Variants in RIMS2 observed in about 807,000 individuals in gnomAD.
RIMS2 encodes the protein regulating synaptic membrane exocytosis 2.
In RIMS2, 59 loss-of-function variants were observed where a neutral mutation model predicts 174.4. The observed-to-expected ratio is 0.34, with a 90% CI of 0.27 to 0.42. The LOEUF (loss-of-function observed/expected upper bound fraction) is 0.42. Among genes scored for constraint, RIMS2 ranks in the 10% least tolerant of loss-of-function variants. RIMS2 has a pLI of 1.00. For missense variants in RIMS2, 1,620 were observed against 1,666.3 expected (o/e 0.97, Z 0.48); for synonymous variants, 606 against 572.5 (o/e 1.06, Z -0.84).
At chr8:103,503,884 C>T (rs1821935592) in intron 1 of RIMS2, among the ~76,000 whole-genome samples, 1 of 151,916 alleles carries the variant, frequency 6.6e-6, no homozygotes, top group Admixed American at 6.6e-5. Flanking sequence ...AAACTGAGAC[C>T]ATTACTGTTA....
At chr8:103,983,689 A>G (rs1173056364) in intron 16 of RIMS2, among the ~76,000 whole-genome samples, 1 of 152,206 alleles carries the variant, frequency 6.6e-6, no homozygotes, top group East Asian at 1.9e-4. Flanking sequence ...AACACTGGAT[A>G]TCTATATGAA....
intron 14 of RIMS2, among the ~76,000 whole-genome samples, chr8:103,949,692 A>T (rs1162500230): frequency 1.3e-5 from 2 of 152,208 alleles, no homozygotes; most frequent in African/African-American, 4.8e-5. Context: ...ATACCAAAAA[A>T]ATTCTCAAAT....
At chr8:103,707,016 G>C (rs1020374146) in intron 2 of RIMS2, among the ~76,000 whole-genome samples, 2 of 151,854 alleles carry the variant, frequency 1.3e-5, no homozygotes, top group African/African-American at 4.8e-5. Context: ...TTTTCAAATA[G>C]CCTGTCTTCG....
intron 1 of RIMS2, among the ~76,000 whole-genome samples, chr8:103,524,074 A>G (rs1832893535): frequency 6.6e-6 from 1 of 152,162 alleles, no homozygotes; most frequent in Non-Finnish European, 1.5e-5. Context: ...TTTAATAAAG[A>G]TTTATAGTTT....
chr8:103,736,266 A>T (rs2097684158), intron 2 of RIMS2, among the ~76,000 whole-genome samples: 1 of 152,184 alleles, frequency 6.6e-6, no homozygotes, highest in South Asian at 2.1e-4. Context: ...TTTAATATCT[A>T]TTATATTGAG....
intron 19 of RIMS2, among the ~76,000 whole-genome samples, chr8:104,112,967 A>G (rs2098216407): frequency 6.6e-6 from 1 of 152,216 alleles, no homozygotes; most frequent in Admixed American, 6.5e-5. Flanking sequence ...TGCCCTTTTC[A>G]TTAATCCTTT....
intron 19 of RIMS2, among the ~76,000 whole-genome samples, chr8:104,190,725 T>G (rs1356646277): frequency 3.3e-5 from 5 of 152,124 alleles, no homozygotes; most frequent in Non-Finnish European, 5.9e-5. Context: ...GCATTTTTTT[T>G]GGCAGCCTAT....
At chr8:104,140,111 C>A (rs2098553870) in intron 19 of RIMS2, among the ~76,000 whole-genome samples, 1 of 152,160 alleles carries the variant, frequency 6.6e-6, no homozygotes, top group Non-Finnish European at 1.5e-5. Context: ...TAGGATCAAT[C>A]CCACTTGGTC....
In RIMS2 at chr8:104,124,920, C is replaced by G. The variant is rs1229920571; in HGVS notation, c.3334+110305C>G. 2.0e-5 allele frequency among the ~76,000 whole-genome samples: 3 copies of G among 151,858 alleles called. No homozygotes were observed. In the South Asian group the frequency reaches 6.3e-4, roughly 32 times the overall value. ...GAGCACTTTGATTTAATGGTCATGT[C>G]TATAGATATTTTATCATTAAATATG... On this transcript the variant is annotated intron_variant, in intron 19 of 23. Transcript: ENST00000504942.
At chr8:103,692,194 G>A (rs562221624) in intron 1 of RIMS2, among the ~76,000 whole-genome samples, 7 of 152,314 alleles carry the variant, frequency 4.6e-5, no homozygotes, top group African/African-American at 1.7e-4. Flanking sequence ...AAAGCTCACA[G>A]CAACCACTGC....
At chr8:103,975,906 T>G (rs2154548554) in intron 16 of RIMS2, 1 of 154,892 alleles carries the variant, frequency 6.5e-6, no homozygotes, top group South Asian at 2.0e-4. Flanking sequence ...GCCAGAAAAC[T>G]TAGCAAGCAA....
chr8:104,153,104 G>A (rs1456308878), intron 19 of RIMS2, among the ~76,000 whole-genome samples: 6 of 151,994 alleles, frequency 3.9e-5, no homozygotes, highest in Non-Finnish European at 1.5e-5. Context: ...TTTTATAAAG[G>A]TATGTTGACC....
chr8:103,742,668 A>G (rs1032473527), intron 2 of RIMS2, among the ~76,000 whole-genome samples: 7 of 151,970 alleles, frequency 4.6e-5, no homozygotes, highest in African/African-American at 1.7e-4. Context: ...AGTTGCTAAT[A>G]CCCTCTGTTT....
At chr8:103,598,145 T>G (rs573443368) in intron 1 of RIMS2, among the ~76,000 whole-genome samples, 1 of 152,320 alleles carries the variant, frequency 6.6e-6, no homozygotes, top group South Asian at 2.1e-4. Context: ...TAGAAAGCCT[T>G]GGAAGAATGG....
At position 103,580,495 on chromosome 8, in the gene RIMS2, A is replaced by G. The variant is rs12678960; in HGVS notation, c.176+79433A>G. 9.8e-3 allele frequency among the ~76,000 whole-genome samples: 1,491 copies of G among 152,162 alleles called. 21 individuals are homozygous for G. The highest frequency in any genetic ancestry group is 0.049 in the South Asian group (234 of 4,824). On this transcript the variant is annotated intron_variant, in intron 1 of 23. Coordinates refer to ENST00000504942, the Ensembl canonical transcript of RIMS2. ...TAAAATGATAAAGGGGATCAATTCA[A>G]CAAGATGACATAACAATTATGAATT... is the stretch of plus-strand genomic sequence containing the variant.
intron 10 of RIMS2, among the ~76,000 whole-genome samples, chr8:103,925,642 C>A (rs748843310): frequency 1.6e-4 from 24 of 149,618 alleles, no homozygotes; most frequent in Non-Finnish European, 2.7e-4. Context: ...CTCATGCTTA[C>A]AATAAATGAA....
chr8:103,722,820 G>C (rs1591102343), intron 2 of RIMS2, among the ~76,000 whole-genome samples: 1 of 152,190 alleles, frequency 6.6e-6, no homozygotes, highest in East Asian at 1.9e-4. Flanking sequence ...AGAGCTGGGA[G>C]AGAACTCCTT....
At position 104,045,903 on chromosome 8, in the gene RIMS2, A is replaced by C. The variant is rs79443049; in HGVS notation, c.3334+31288A>C. Among the ~76,000 whole-genome samples the C allele has an allele frequency of 4.0e-4, 58 of 143,272 alleles. 1 individual carries two copies. In the East Asian group the frequency reaches 9.9e-3, roughly 24 times the overall value. 94.0% of individuals were successfully genotyped at this position (143,272 alleles called of 152,430 possible). On this transcript the variant is annotated intron_variant, in intron 19 of 23. Transcript: ENST00000504942. ...ATAAAAATACAGTTGGGAATAAGTA[A>C]CATATATTTTGTGTTGTAATATAAT...
rs762208463 is a variant in RIMS2 at position 103,918,458 on chromosome 8, C to T, written c.2054C>T (p.Pro685Leu). 5 of 1,594,734 alleles carry T rather than the reference C, an allele frequency of 3.1e-6. No individual in the cohort carries two copies. In the Admixed American group the frequency reaches 6.9e-5, roughly 22 times the overall value. ...CATTTCAGAGATATACCGCGAATAC[C>T]TGATAGCACACATGCACAACTGGAG... Residue 685 changes from proline to leucine, a missense_variant, in exon 9 of 24, where the codon CCT becomes CTT. Pro to Leu is a moderately conservative substitution (Grantham distance 98). Coordinates refer to ENST00000504942, the Ensembl canonical transcript of RIMS2.
Sources: allele counts gnomAD v4.1 joint callset (sites outside exome capture counted in the v4.1 genomes callset), GRCh38; gene constraint gnomAD v4.1.1; transcripts MANE v1.5; gene names NCBI Gene and HGNC (gene_info 2026-07-23, HGNC 2026-07-21).